ENTPD1: variants seen among roughly 807,000 people sequenced by gnomAD.
ENTPD1 encodes the protein ectonucleoside triphosphate diphosphohydrolase 1.
In ENTPD1, 33 loss-of-function variants were observed where a neutral mutation model predicts 57.0. The ratio of observed to expected loss-of-function variants is 0.58; its 90% confidence interval spans 0.44 to 0.77. The LOEUF is 0.77. Among genes scored for constraint, ENTPD1 ranks in the 30% least tolerant of loss-of-function variants. The pLI is 0.00. For missense variants in ENTPD1, 501 were observed against 603.4 expected (o/e 0.83, Z 1.78); for synonymous variants, 202 against 218.8 (o/e 0.92, Z 0.68).
intron 1 of ENTPD1, among the ~76,000 whole-genome samples, chr10:95,799,631 A>G (rs939750787): frequency 2.0e-5 from 3 of 152,124 alleles, no homozygotes; most frequent in Admixed American, 1.3e-4. Context: ...AGAATGATTT[A>G]TATTCCTTTG....
intron 1 of ENTPD1, among the ~76,000 whole-genome samples, chr10:95,783,199 A>G (rs1478382786): frequency 1.3e-5 from 2 of 152,136 alleles, no homozygotes; most frequent in Admixed American, 1.3e-4. Context: ...TATTTGCTGA[A>G]TCTTGTTTAA....
At chr10:95,756,354 C>CA in intron 1 of ENTPD1, 99 bp downstream of exon 1, 1 of 1,330,772 alleles carries the variant, frequency 7.5e-7, no homozygotes, top group Non-Finnish European at 1.0e-6. Context: ...AAGCTGGAGG[C>CA]AAAAAGCCCT....
upstream of ENTPD1, among the ~76,000 whole-genome samples, chr10:95,707,417 T>C (rs2097962990): frequency 6.6e-6 from 1 of 152,176 alleles, no homozygotes; most frequent in African/African-American, 2.4e-5. Flanking sequence ...ACTGGCTCCA[T>C]GGAGTGCCCA....
At chr10:95,831,581 T>C (rs961998198) in intron 2 of ENTPD1, among the ~76,000 whole-genome samples, 3 of 152,252 alleles carry the variant, frequency 2.0e-5, no homozygotes, top group African/African-American at 7.2e-5. Flanking sequence ...TTACCTGCCT[T>C]AGTGACAAAT....
At chr10:95,847,304 G>GT in intron 6 of ENTPD1, 142 bp from the exon 7 acceptor site, 1 of 945,294 alleles carries the variant, frequency 1.1e-6, no homozygotes, top group Non-Finnish European at 1.7e-6. Flanking sequence ...ATTCCTAAGG[G>GT]TAAAAAGGCA....
Position 95,869,766 on chromosome 10 carries a change from A to G in ENTPD1, c.*3383A>G. The G allele has an allele frequency of 3.6e-6, 3 of 822,894 alleles. No homozygotes were observed. The highest frequency in any genetic ancestry group is 2.9e-6 in the Non-Finnish European group (2 of 681,908). The allele number at this position is 822,894 out of a possible 1,614,324, so 51.0% of individuals were successfully genotyped here. A position where few individuals can be genotyped will look rare whatever the true frequency, so the allele number is the denominator to read the frequency against. On this transcript the variant is annotated 3_prime_UTR_variant, in exon 10 of 10. Transcript: ENST00000371205. ...ATGGTACACTCAAACTGGGTAACAC[A>G]GGAGAGTTTTCAGAAAGCAACTAAA...
intron 1 of ENTPD1, among the ~76,000 whole-genome samples, chr10:95,720,081 G>T (rs541909559): frequency 6.6e-6 from 1 of 152,232 alleles, no homozygotes; most frequent in Admixed American, 6.5e-5. Flanking sequence ...TTGGAGTATT[G>T]CAGGGGCTAT....
rs544722117 is a variant in ENTPD1 at position 95,827,454 on chromosome 10, CAA to C, written c.144+4102_144+4103del. Among the ~76,000 whole-genome samples, 666 of 142,228 alleles carry C rather than the reference CAA, an allele frequency of 4.7e-3. 4 individuals are homozygous for C. The highest frequency in any genetic ancestry group is 0.016 in the African/African-American group (636 of 38,928). 93.3% of individuals were successfully genotyped at this position (142,228 alleles called of 152,430 possible). ...TGGGTGACAGAGCAAGACTCTGTCTCAAAAAAAAAAAAATTTCGTTTTTGTTT... is the reference window on the plus strand; with the variant it reads ...TGGGTGACAGAGCAAGACTCTGTCTCAAAAAAAAAAATTTCGTTTTTGTTT... On this transcript the variant is annotated intron_variant, in intron 2 of 9. Transcript: ENST00000371205.
chr10:95,771,810 A>G (rs562540267), intron 1 of ENTPD1, among the ~76,000 whole-genome samples: 1 of 152,212 alleles, frequency 6.6e-6, no homozygotes, highest in East Asian at 1.9e-4. Flanking sequence ...CACCCATTAG[A>G]TATTCCTTCA....
intron 7 of ENTPD1, among the ~76,000 whole-genome samples, chr10:95,853,395 C>A (rs2098448931): frequency 6.6e-6 from 1 of 152,168 alleles, no homozygotes; most frequent in Admixed American, 6.5e-5. Context: ...AATTTGACTT[C>A]CTCTTTTCCT....
chr10:95,834,663 T>C (rs532611373), intron 2 of ENTPD1, among the ~76,000 whole-genome samples: 3 of 152,302 alleles, frequency 2.0e-5, no homozygotes, highest in South Asian at 2.1e-4. Flanking sequence ...GTAGGTAGAA[T>C]TGTTTCCATC....
intron 1 of ENTPD1, among the ~76,000 whole-genome samples, chr10:95,815,604 G>C (rs1286045308): frequency 6.6e-6 from 1 of 152,300 alleles, no homozygotes; most frequent in East Asian, 1.9e-4. Flanking sequence ...TAGGGTGCTG[G>C]TTAAAAGCCT....
Position 95,845,424 on chromosome 10 carries a change from T to C in ENTPD1, c.641T>C (p.Leu214Pro). Reference sequence around the variant, plus strand: ...CAGGAAACCTTTGGAGCTTTGGACCTTGGGGGAGCCTCTACACAAGTCACT... The same window carrying C: ...CAGGAAACCTTTGGAGCTTTGGACCCTGGGGGAGCCTCTACACAAGTCACT... ...NNQETFGALD[L>P]GGASTQVTFV... Residue 214 changes from leucine to proline, a missense_variant, in exon 6 of 10, where the codon CTT (leucine) becomes CCT (proline). Coordinates refer to ENST00000371205, the MANE Select transcript of ENTPD1 (RefSeq NM_001776.6). The C allele has an allele frequency of 1.9e-6, 3 of 1,614,186 alleles. No homozygotes were observed. The highest frequency in any genetic ancestry group is 2.5e-6 in the Non-Finnish European group (3 of 1,180,032).
intron 1 of ENTPD1, among the ~76,000 whole-genome samples, chr10:95,810,768 T>G (rs1010441471): frequency 6.6e-6 from 1 of 152,222 alleles, no homozygotes; most frequent in East Asian, 1.9e-4. Context: ...TATATTCATC[T>G]TACTAGTTTT....
intron 1 of ENTPD1, among the ~76,000 whole-genome samples, chr10:95,722,687 C>A (rs1210737692): frequency 6.6e-6 from 1 of 151,996 alleles, no homozygotes; most frequent in African/African-American, 2.4e-5. Context: ...GGGAGATATA[C>A]CATTGTGGTT....
chr10:95,741,354 C>T (rs966683074), intron 1 of ENTPD1, among the ~76,000 whole-genome samples: 6 of 152,170 alleles, frequency 3.9e-5, no homozygotes, highest in African/African-American at 1.4e-4. Context: ...TTAAGTTCAT[C>T]ATCTTATATG....
At chr10:95,770,628 A>C (rs972981114) in intron 1 of ENTPD1, among the ~76,000 whole-genome samples, 1 of 152,188 alleles carries the variant, frequency 6.6e-6, no homozygotes, top group African/African-American at 2.4e-5. Context: ...TTTCTCAAAA[A>C]GCTTGCTCTA....
At chr10:95,706,511 T>C in the ENTPD1 span, among the ~76,000 whole-genome samples, 1 of 152,000 alleles carries the variant, frequency 6.6e-6, no homozygotes, top group Admixed American at 6.5e-5. Flanking sequence ...GGTCGTCCCA[T>C]CATCTGCTGC....
intron 1 of ENTPD1, among the ~76,000 whole-genome samples, chr10:95,743,997 C>T (rs1432885041): frequency 1.2e-5 from 1 of 80,996 alleles, no homozygotes; most frequent in Non-Finnish European, 2.6e-5. Flanking sequence ...TATTTTAAAC[C>T]ATATATATAT....
Sources: gnomAD v4.1 joint callset for allele counts (sites outside exome capture counted in the v4.1 genomes callset) on GRCh38, gnomAD v4.1.1 for gene constraint, MANE v1.5 for transcripts, NCBI Gene and HGNC (gene_info 2026-07-23, HGNC 2026-07-21) for gene names.